PELI2: variants seen among roughly 807,000 people sequenced by gnomAD.
PELI2 encodes pellino E3 ubiquitin protein ligase family member 2, also known as E3 ubiquitin-protein ligase pellino homolog 2.
A neutral mutation model predicts 42.3 loss-of-function variants in PELI2; 23 were observed. The observed-to-expected ratio is 0.54, with a 90% CI of 0.39 to 0.77. The LOEUF is 0.77. Among genes scored for constraint, PELI2 ranks in the 30% least tolerant of loss-of-function variants. The pLI is 0.00. For missense variants in PELI2, 463 were observed against 553.2 expected (o/e 0.84, Z 1.64); for synonymous variants, 245 against 212.2 (o/e 1.15, Z -1.34).
chr14:56,154,506 T>C (rs1367519864), intron 1 of PELI2, among the ~76,000 whole-genome samples: 1 of 152,222 alleles, frequency 6.6e-6, no homozygotes, highest in Non-Finnish European at 1.5e-5. Context: ...CCTGCTGCCA[T>C]GTGAAGAAGG....
chr14:56,269,491 C>G (rs1361421246), intron 2 of PELI2, among the ~76,000 whole-genome samples: 1 of 151,980 alleles, frequency 6.6e-6, no homozygotes, highest in African/African-American at 2.4e-5. Context: ...TTAATACGTT[C>G]TAAAACACAA....
intron 5 of PELI2, among the ~76,000 whole-genome samples, chr14:56,292,529 T>C (rs1889864382): frequency 6.6e-6 from 1 of 152,244 alleles, no homozygotes; most frequent in Non-Finnish European, 1.5e-5. Context: ...TCATTTGCAG[T>C]CTAATACAGA....
At chr14:56,175,847 TG>T (rs1355800816) in intron 1 of PELI2, among the ~76,000 whole-genome samples, 1 of 152,238 alleles carries the variant, frequency 6.6e-6, no homozygotes, top group Non-Finnish European at 1.5e-5. Context: ...GGAGTACATC[TG>T]GGCCAATAGA....
chr14:56,222,294 T>A (rs917247525), intron 2 of PELI2, among the ~76,000 whole-genome samples: 2 of 152,196 alleles, frequency 1.3e-5, no homozygotes, highest in African/African-American at 2.4e-5. Flanking sequence ...TTCCAGAAGT[T>A]GTTTTGCTGG....
rs1308109183 is a variant in PELI2, at chr14:56,234,088, AAGTC to A, written c.208-45585_208-45582del. Among the ~76,000 whole-genome samples the A allele has an allele frequency of 3.9e-5, 6 of 152,358 alleles. No individual in the cohort carries two copies. The South Asian group carries it at 1.0e-3, about 26-fold the overall frequency. On this transcript the variant is annotated intron_variant, in intron 2 of 5. Coordinates refer to ENST00000267460, the MANE Select transcript of PELI2 (RefSeq NM_021255.3). Reference sequence around the variant, plus strand: ...ACCAGTTAGAATGGCGATCATTAAAAAGTCAGGAAACAACAGGTGCTGGAGAGGA... The same window carrying A: ...ACCAGTTAGAATGGCGATCATTAAAAAGGAAACAACAGGTGCTGGAGAGGA...
intron 3 of PELI2, among the ~76,000 whole-genome samples, chr14:56,286,406 T>A (rs1477408027): frequency 6.6e-6 from 1 of 152,188 alleles, no homozygotes; most frequent in Non-Finnish European, 1.5e-5. Context: ...GATGCTTTGA[T>A]ACCATCTTAC....
intron 2 of PELI2, among the ~76,000 whole-genome samples, chr14:56,235,651 C>G (rs1887767265): frequency 6.6e-6 from 1 of 152,232 alleles, no homozygotes; most frequent in South Asian, 2.1e-4. Flanking sequence ...GTGGTACAAG[C>G]AATACTTGTT....
intron 1 of PELI2, among the ~76,000 whole-genome samples, chr14:56,170,322 G>A (rs1027725247): frequency 2.0e-5 from 3 of 152,178 alleles, no homozygotes; most frequent in South Asian, 2.1e-4. Context: ...AAGATAAACC[G>A]TGACGTCTCC....
At chr14:56,139,394 T>A (rs1021498535) in intron 1 of PELI2, among the ~76,000 whole-genome samples, 3 of 152,232 alleles carry the variant, frequency 2.0e-5, no homozygotes, top group Non-Finnish European at 4.4e-5. Flanking sequence ...TTTTATATAT[T>A]TGCTATGAGA....
At chr14:56,231,510 T>A (rs1350885856) in intron 2 of PELI2, among the ~76,000 whole-genome samples, 1 of 152,290 alleles carries the variant, frequency 6.6e-6, no homozygotes, top group East Asian at 1.9e-4. Context: ...GAATGACTAC[T>A]GGGTACATAA....
chr14:56,144,088 C>T (rs989041015), intron 1 of PELI2, among the ~76,000 whole-genome samples: 1 of 152,168 alleles, frequency 6.6e-6, no homozygotes, highest in South Asian at 2.1e-4. Context: ...ACTGTACTAC[C>T]GCTGATTCCA....
At chr14:56,247,163 G>A (rs899885015) in intron 2 of PELI2, among the ~76,000 whole-genome samples, 1 of 152,160 alleles carries the variant, frequency 6.6e-6, no homozygotes, top group South Asian at 2.1e-4. Context: ...CATACATAAT[G>A]TGTGTATGAA....
At position 56,169,160 on chromosome 14, in the gene PELI2, T is replaced by C. The variant is rs1885076605; in HGVS notation, c.78-9175T>C. On this transcript the variant is annotated intron_variant, in intron 1 of 5. Coordinates refer to ENST00000267460, the MANE Select transcript of PELI2 (RefSeq NM_021255.3). ...CAGCCTGAGGTTAGGGGAGGGGTGA[T>C]GCCAACACTCCCTGGGCTGTTCCAG... is the stretch of plus-strand genomic sequence containing the variant. Among the ~76,000 whole-genome samples, 4 of 152,156 alleles carry C rather than the reference T, an allele frequency of 2.6e-5. No individual in the cohort carries two copies. The South Asian group carries it at 8.3e-4, about 31-fold the overall frequency.
intron 2 of PELI2, among the ~76,000 whole-genome samples, chr14:56,184,499 G>C (rs145263093): frequency 6.6e-6 from 1 of 151,988 alleles, no homozygotes; most frequent in African/African-American, 2.4e-5. Context: ...TTAATTTATT[G>C]ATTCTGAGAA....
intron 1 of PELI2, among the ~76,000 whole-genome samples, chr14:56,145,381 G>A (rs1207816638): frequency 6.6e-6 from 1 of 152,138 alleles, no homozygotes; most frequent in Non-Finnish European, 1.5e-5. Flanking sequence ...ATGAGATTTG[G>A]GTTGGGACAC....
chr14:56,287,007 C>G (rs544835190), intron 3 of PELI2, among the ~76,000 whole-genome samples: 1 of 152,282 alleles, frequency 6.6e-6, no homozygotes, highest in South Asian at 2.1e-4. Context: ...TGGATGAACT[C>G]AGAATGTGGC....
chr14:56,142,042 A>C (rs184265731), intron 1 of PELI2, among the ~76,000 whole-genome samples: 3 of 152,136 alleles, frequency 2.0e-5, no homozygotes, highest in East Asian at 3.9e-4. Flanking sequence ...TCTCTAAGTT[A>C]CTGTGATTTG....
chr14:56,148,784 C>T (rs1464186476), intron 1 of PELI2, among the ~76,000 whole-genome samples: 1 of 152,188 alleles, frequency 6.6e-6, no homozygotes. Flanking sequence ...CTCCTGGTAG[C>T]AGGGACTTTT....
At chr14:56,286,501 T>C (rs1889649848) in intron 3 of PELI2, among the ~76,000 whole-genome samples, 1 of 152,218 alleles carries the variant, frequency 6.6e-6, no homozygotes, top group African/African-American at 2.4e-5. Flanking sequence ...AGCAAAGTTA[T>C]CACTGTAGCT....
Sources: allele counts gnomAD v4.1 joint callset (sites outside exome capture counted in the v4.1 genomes callset), GRCh38; gene constraint gnomAD v4.1.1; transcripts MANE v1.5; gene names NCBI Gene and HGNC (gene_info 2026-07-23, HGNC 2026-07-21).